USH2A: variants seen among roughly 807,000 people sequenced by gnomAD.
USH2A encodes the protein usherin, also known as Usher syndrome 2A (autosomal recessive, mild).
A neutral mutation model predicts 538.9 loss-of-function variants in USH2A; 443 were observed. That is an observed-to-expected ratio of 0.82 (90% CI 0.76 to 0.89). The LOEUF is 0.89. Ranked by LOEUF, USH2A falls within the 40% of genes least tolerant of loss-of-function variation. The pLI is 0.00. For synonymous variants in USH2A, 2,413 were observed against 2,273.5 expected (o/e 1.06, Z -1.75); for missense variants, 6,633 against 6,324.8 (o/e 1.05, Z -1.65).
chr1:216,176,509 G>A (rs1185579410), intron 20 of USH2A, among the ~76,000 whole-genome samples: 2 of 152,034 alleles, frequency 1.3e-5, no homozygotes, highest in Admixed American at 6.6e-5. Context: ...ATCAACATCC[G>A]GCACCCAAAT....
chr1:215,966,677 C>A (rs1235674745), intron 36 of USH2A, among the ~76,000 whole-genome samples: 1 of 152,064 alleles, frequency 6.6e-6, no homozygotes, highest in South Asian at 2.1e-4. Context: ...TAGCTACATA[C>A]AAAAATGATG....
intron 19 of USH2A, among the ~76,000 whole-genome samples, chr1:216,193,064 C>A (rs910448143): frequency 6.6e-6 from 1 of 152,150 alleles, no homozygotes; most frequent in East Asian, 1.9e-4. Flanking sequence ...AATAATATTT[C>A]TCACCTTATT....
At chr1:216,261,037 C>G (rs1423417658) in intron 11 of USH2A, among the ~76,000 whole-genome samples, 2 of 152,084 alleles carry the variant, frequency 1.3e-5, no homozygotes, top group Non-Finnish European at 2.9e-5. Flanking sequence ...AAATGTTTTA[C>G]CATTTCTCTA....
At chr1:215,643,054 G>A (rs976311615) in intron 67 of USH2A, among the ~76,000 whole-genome samples, 2 of 152,132 alleles carry the variant, frequency 1.3e-5, no homozygotes, top group Admixed American at 1.3e-4. Flanking sequence ...AGAGTGCAGT[G>A]GCGCTATCTC....
Position 216,334,665 on chromosome 1 carries a change from G to C in USH2A, c.785-7011C>G, listed in dbSNP as rs78836030. ...TACACCACGTAAACAATAACCAAAA[G>C]AGAGCTTGAGCTCCTATGCTAACAT... On this transcript the variant is annotated intron_variant, in intron 4 of 71. Coordinates refer to ENST00000307340, the MANE Select transcript of USH2A (RefSeq NM_206933.4). 9.7e-3 allele frequency among the ~76,000 whole-genome samples: 1,472 copies of C among 151,944 alleles called. 20 individuals carry two copies. The highest frequency in any genetic ancestry group is 0.034 in the African/African-American group (1,427 of 41,522).
chr1:216,362,432 A>G (rs1167569572), intron 4 of USH2A, among the ~76,000 whole-genome samples: 1 of 152,148 alleles, frequency 6.6e-6, no homozygotes, highest in Non-Finnish European at 1.5e-5. Context: ...AAAGTGGATA[A>G]TTTGTAAGGA....
intron 32 of USH2A, among the ~76,000 whole-genome samples, chr1:216,036,227 C>T (rs1213223919): frequency 2.0e-5 from 3 of 151,918 alleles, no homozygotes; most frequent in Admixed American, 2.0e-4. Flanking sequence ...AATTTCTTTC[C>T]TTTCTATCAA....
intron 55 of USH2A, 128 bp downstream of exon 55, chr1:215,779,715 A>G: frequency 1.8e-6 from 2 of 1,120,420 alleles, no homozygotes; most frequent in Non-Finnish European, 2.6e-6. Flanking sequence ...GGACCTGACC[A>G]TATGTCAAGA....
chr1:216,146,282 T>C (rs1452155697), intron 21 of USH2A, among the ~76,000 whole-genome samples: 2 of 152,288 alleles, frequency 1.3e-5, no homozygotes, highest in African/African-American at 4.8e-5. Context: ...GTGCCACACT[T>C]CAATCTCTCC....
At chr1:216,350,709 T>A (rs1009455202) in intron 4 of USH2A, among the ~76,000 whole-genome samples, 1 of 152,096 alleles carries the variant, frequency 6.6e-6, no homozygotes, top group South Asian at 2.1e-4. Context: ...TTAGCTCCAG[T>A]GGCTGCTCTC....
rs377331647 is a variant in USH2A, at chr1:216,287,531, C to CT, written c.1971+1748dup. ...GTAGATTGAAATTGATTATGGTGGCCTTTTTTTTTTCTTAGTCAGTTGTTA... is the reference window on the plus strand; with the variant it reads ...GTAGATTGAAATTGATTATGGTGGCCTTTTTTTTTTTCTTAGTCAGTTGTTA... On this transcript the variant is annotated intron_variant, in intron 11 of 71. Transcript: ENST00000307340. Among the ~76,000 whole-genome samples, 1,053 of 149,288 alleles carry CT rather than the reference C, an allele frequency of 7.1e-3. 5 individuals carry two copies. The highest frequency in any genetic ancestry group is 0.013 in the African/African-American group (537 of 40,700).
chr1:215,879,766 T>C (rs1664861926), intron 41 of USH2A, among the ~76,000 whole-genome samples: 1 of 152,184 alleles, frequency 6.6e-6, no homozygotes, highest in Non-Finnish European at 1.5e-5. Flanking sequence ...CAACATTTTG[T>C]AGTAGAATTC....
In USH2A at chr1:216,377,821, AAGAAAG is replaced by A. The variant is rs1558061719; in HGVS notation, c.652-12742_652-12737del. Among the ~76,000 whole-genome samples the A allele has an allele frequency of 6.7e-5, 3 of 44,458 alleles. No homozygotes were observed. The Admixed American group carries it at 9.0e-4, about 13-fold the overall frequency. The allele number at this position is 44,458 out of a possible 152,430, so 29.2% of individuals were successfully genotyped here. ...GGAAAGAAATAAAAAGAAAGAAAGAAAGAAAGAAAGAAAGAAAGAAAGAAAGAAAGA... is the reference window on the plus strand; with the variant it reads ...GGAAAGAAATAAAAAGAAAGAAAGAAAAAGAAAGAAAGAAAGAAAGAAAGA... On this transcript the variant is annotated intron_variant, in intron 3 of 71. Coordinates refer to ENST00000307340, the MANE Select transcript of USH2A (RefSeq NM_206933.4).
rs1661966822 is a variant in USH2A at position 215,790,999 on chromosome 1, G to A, written c.9959-717C>T. On this transcript the variant is annotated intron_variant, in intron 50 of 71. Coordinates refer to ENST00000307340, the MANE Select transcript of USH2A (RefSeq NM_206933.4). ...AGCCGCAGAAAGACCTTGTAGAGAG[G>A]ATCACTGATCCCCACATCTAAACGA... Among the ~76,000 whole-genome samples, 3 of 152,216 alleles carry A rather than the reference G, an allele frequency of 2.0e-5. No individual in the cohort carries two copies. In the South Asian group the frequency reaches 6.2e-4, roughly 32 times the overall value.
At chr1:216,207,228 C>T in intron 16 of USH2A, 45 bp downstream of exon 16, 2 of 1,608,526 alleles carry the variant, frequency 1.2e-6, no homozygotes, top group Non-Finnish European at 1.7e-6. Context: ...ACTAATGTGT[C>T]AATTCTCAGA....
rs771718925 is a variant in USH2A at position 216,292,206 on chromosome 1, T to C, written c.1809A>G (p.Gly603=). 6.2e-7 allele frequency: 1 copy of C among 1,613,980 alleles called. No individual in the cohort carries two copies. Among genetic ancestry groups the C allele is most frequent in the South Asian group, 1.1e-5 (1 of 91,080 alleles). ...TGTTATGCTCACAATCATCACAAACTCCTCCTCCCCCTCTGAAGTGCTCAA... is the reference window on the plus strand; with the variant it reads ...TGTTATGCTCACAATCATCACAAACCCCTCCTCCCCCTCTGAAGTGCTCAA... ...FPFEHFRGGG[G]VCDDCEHNTT... The change falls in exon 10 of 72, where the codon GGA becomes GGG. Residue 603 remains glycine, a synonymous_variant. Coordinates refer to ENST00000307340, the MANE Select transcript of USH2A (RefSeq NM_206933.4).
intron 64 of USH2A, among the ~76,000 whole-genome samples, chr1:215,660,904 C>G (rs1657418143): frequency 6.6e-6 from 1 of 152,186 alleles, no homozygotes; most frequent in African/African-American, 2.4e-5. Flanking sequence ...TTTAAGGCAT[C>G]TGACTTATTT....
chr1:215,958,252 A>G (rs778853993), intron 37 of USH2A, among the ~76,000 whole-genome samples: 1 of 152,140 alleles, frequency 6.6e-6, no homozygotes, highest in African/African-American at 2.4e-5. Flanking sequence ...TTGAAAAATC[A>G]ACTGCATTTC....
In USH2A at chr1:216,364,935, C is replaced by A. The variant is rs1558055776; in HGVS notation, c.784+18G>T. On this transcript the variant is annotated intron_variant, in intron 4 of 71. Coordinates refer to ENST00000307340, the MANE Select transcript of USH2A (RefSeq NM_206933.4). ...GTAATTGGATGAAATAAATAACATT[C>A]TGAAGTCAGAAACTTACCATTTAAA... 2 of 1,613,028 alleles carry A rather than the reference C, an allele frequency of 1.2e-6. No individual in the cohort carries two copies. Among genetic ancestry groups the A allele is most frequent in the Non-Finnish European group, 1.7e-6 (2 of 1,179,392 alleles).
Sources: allele counts gnomAD v4.1 joint callset (sites outside exome capture counted in the v4.1 genomes callset), GRCh38; gene constraint gnomAD v4.1.1; transcripts MANE v1.5; gene names NCBI Gene and HGNC (gene_info 2026-07-23, HGNC 2026-07-21).